PDHX: variants seen among roughly 807,000 people sequenced by gnomAD.
PDHX encodes the protein pyruvate dehydrogenase protein X component, mitochondrial.
Under a neutral mutation model 55.3 loss-of-function variants are expected in PDHX, and 33 were observed. The observed-to-expected ratio is 0.60, with a 90% CI of 0.45 to 0.80. The LOEUF (loss-of-function observed/expected upper bound fraction) is 0.80. Among genes scored for constraint, PDHX ranks in the 30% least tolerant of loss-of-function variants. The probability of loss-of-function intolerance (pLI) is 0.00; values close to 1 mark genes in which losing one functional copy is unlikely to be tolerated. For synonymous variants in PDHX, 226 were observed against 219.4 expected (o/e 1.03, Z -0.27); for missense variants, 622 against 619.9 (o/e 1.00, Z -0.04).
At chr11:34,929,134 C>T (rs867860758) in intron 1 of PDHX, among the ~76,000 whole-genome samples, 4 of 127,254 alleles carry the variant, frequency 3.1e-5, no homozygotes, top group Admixed American at 2.4e-4. Context: ...TTAGGAAACT[C>T]ATTGTGGCTA....
chr11:34,968,719 T>G (rs1293143727), intron 6 of PDHX, among the ~76,000 whole-genome samples: 2 of 152,250 alleles, frequency 1.3e-5, no homozygotes, highest in Non-Finnish European at 2.9e-5. Flanking sequence ...GTGATTTCTT[T>G]GATCCATGAG....
At chr11:34,960,679 A>G (rs550030148) in intron 5 of PDHX, among the ~76,000 whole-genome samples, 161 bp downstream of exon 5, 2 of 152,290 alleles carry the variant, frequency 1.3e-5, no homozygotes, top group South Asian at 4.1e-4. Context: ...ATTGTATTCT[A>G]TGCAAGAGTT....
chr11:34,916,701 T>G lies in PDHX; in HGVS notation c.46T>G (p.Tyr16Asp). ...GGGCTGTGATCCGCGGCTGCTGCGT[T>G]ATCTTGTGGGCTTCCCCGGCCGCCG... is the stretch of plus-strand genomic sequence containing the variant. ...RLGCDPRLLRYLVGFPGRRSV... is the reference protein window; with the variant it reads ...RLGCDPRLLRDLVGFPGRRSV... Residue 16 changes from tyrosine to aspartate, a missense_variant, in exon 1 of 11, where the codon TAT (tyrosine) becomes GAT (aspartate). Physicochemically the swap from Tyr to Asp is radical, Grantham distance 160 (BLOSUM62 -3). Transcript: ENST00000227868. 6.2e-7 allele frequency: 1 copy of G among 1,612,976 alleles called. No homozygotes were observed. The highest frequency in any genetic ancestry group is 8.5e-7 in the Non-Finnish European group (1 of 1,179,946).
chr11:34,925,250 C>T (rs894706146), intron 1 of PDHX, among the ~76,000 whole-genome samples: 1 of 151,980 alleles, frequency 6.6e-6, no homozygotes, highest in Non-Finnish European at 1.5e-5. Flanking sequence ...TTCTTTTTGC[C>T]CTCTGCAGAG....
chr11:34,917,328 G>A (rs1853752628), intron 1 of PDHX, among the ~76,000 whole-genome samples: 1 of 152,060 alleles, frequency 6.6e-6, no homozygotes, highest in Non-Finnish European at 1.5e-5. Context: ...AAATTCCTAC[G>A]GCATCACGAT....
intron 5 of PDHX, among the ~76,000 whole-genome samples, chr11:34,960,842 C>T (rs535955611): frequency 6.6e-6 from 1 of 152,158 alleles, no homozygotes; most frequent in African/African-American, 2.4e-5. Context: ...ATAACATTTA[C>T]ATTTCTAAAA....
At chr11:34,989,357 G>A (rs1855713563) in intron 9 of PDHX, among the ~76,000 whole-genome samples, 1 of 151,996 alleles carries the variant, frequency 6.6e-6, no homozygotes, top group South Asian at 2.1e-4. Context: ...AGATAAGGGG[G>A]GACTACTGTA....
chr11:34,957,717 C>G, intron 4 of PDHX, 134 bp downstream of exon 4: 1 of 662,998 alleles, frequency 1.5e-6, no homozygotes, highest in Non-Finnish European at 2.6e-6. Flanking sequence ...ACACTCAGAC[C>G]TTAGAGTGTG....
Position 34,952,013 on chromosome 11 carries a change from T to C in PDHX, c.342+4407T>C, listed in dbSNP as rs549713524. 1.2e-3 allele frequency among the ~76,000 whole-genome samples: 187 copies of C among 152,204 alleles called. No individual in the cohort carries two copies. In the Middle Eastern group the frequency reaches 0.014, roughly 11 times the overall value. On this transcript the variant is annotated intron_variant, in intron 3 of 10. Coordinates refer to ENST00000227868, the MANE Select transcript of PDHX (RefSeq NM_003477.3). ...GTCAAAGATCAAATAGTTGTAGATA[T>C]GCGGCGTTATTTCTGAGGGTCAAAC...
At chr11:34,992,169 A>G in intron 9 of PDHX, 146 bp from the exon 10 acceptor site, 2 of 589,800 alleles carry the variant, frequency 3.4e-6, no homozygotes, top group Non-Finnish European at 6.1e-6. Context: ...TGTTCTTATA[A>G]TTAGAGAAAA....
chr11:34,964,902 A>G (rs1263432137), intron 5 of PDHX, among the ~76,000 whole-genome samples: 1 of 143,600 alleles, frequency 7.0e-6, no homozygotes, highest in Non-Finnish European at 1.5e-5. Flanking sequence ...CTAATAAGTA[A>G]TAGTTATGCT....
chr11:34,970,372 TAC>T, intron 7 of PDHX, 86 bp downstream of exon 7: 1 of 1,095,336 alleles, frequency 9.1e-7, no homozygotes, highest in Non-Finnish European at 1.4e-6. Flanking sequence ...AATTAAAAGC[TAC>T]ATTGTGTAGC....
At chr11:34,955,762 G>A (rs953487606) in intron 3 of PDHX, among the ~76,000 whole-genome samples, 1 of 152,048 alleles carries the variant, frequency 6.6e-6, no homozygotes, top group Non-Finnish European at 1.5e-5. Context: ...ATGTAGTACA[G>A]TTGTCTGACT....
chr11:34,946,539 C>T (rs1005310719), intron 2 of PDHX, among the ~76,000 whole-genome samples: 1 of 152,150 alleles, frequency 6.6e-6, no homozygotes, highest in Admixed American at 6.5e-5. Context: ...CCTACGCAGT[C>T]CCCCCTCGAT....
chr11:34,938,541 A>C (rs1461411682), intron 2 of PDHX, among the ~76,000 whole-genome samples: 1 of 152,224 alleles, frequency 6.6e-6, no homozygotes, highest in African/African-American at 2.4e-5. Flanking sequence ...AGCTTTGGCT[A>C]TTTCCATATT....
chr11:34,981,184 G>A (rs1251817210), intron 8 of PDHX, among the ~76,000 whole-genome samples: 2 of 151,934 alleles, frequency 1.3e-5, no homozygotes, highest in Non-Finnish European at 2.9e-5. Context: ...GGTGTGTGAT[G>A]TTCCCTTTCC....
chr11:34,984,605 G>C lies in PDHX; in HGVS notation c.1059G>C (p.Glu353Asp), dbSNP rs755386042. 1.5e-5 allele frequency: 25 copies of C among 1,613,844 alleles called. No homozygotes were observed. The highest frequency in any genetic ancestry group is 2.0e-5 in the Non-Finnish European group (24 of 1,179,970). Residue 353 changes from glutamate to aspartate, a missense_variant, in exon 9 of 11, where the codon GAG (glutamate) becomes GAC (aspartate). Coordinates refer to ENST00000227868, the MANE Select transcript of PDHX (RefSeq NM_003477.3). The part of the protein sequence containing the change: ...MPDVNVSWDG[E>D]GPKQLPFIDI... Reference sequence around the variant, plus strand: ...ATGTTAATGTAAGCTGGGATGGAGAGGGCCCAAAGCAACTGCCATTTATTG... The same window carrying C: ...ATGTTAATGTAAGCTGGGATGGAGACGGCCCAAAGCAACTGCCATTTATTG...
rs191409428 is a variant in PDHX, at chr11:34,973,085, T to G, written c.964+2799T>G. Among the ~76,000 whole-genome samples, 4 of 152,328 alleles carry G rather than the reference T, an allele frequency of 2.6e-5. No individual in the cohort carries two copies. The East Asian group carries it at 7.7e-4, about 29-fold the overall frequency. On this transcript the variant is annotated intron_variant, in intron 7 of 10. Coordinates refer to ENST00000227868, the MANE Select transcript of PDHX (RefSeq NM_003477.3). ...TATTTGTGGTTTCTCCTTTCAGCTC[T>G]GTCGGTTTTTGCTTCATGTATCCTG...
At chr11:34,960,296 G>T in intron 4 of PDHX, 124 bp from the exon 5 acceptor site, 1 of 672,750 alleles carries the variant, frequency 1.5e-6, no homozygotes, top group Admixed American at 2.2e-5. Flanking sequence ...ACCATCTGTG[G>T]GAGTCATTTT....
Sources: allele counts gnomAD v4.1 joint callset (sites outside exome capture counted in the v4.1 genomes callset), GRCh38; gene constraint gnomAD v4.1.1; transcripts MANE v1.5; gene names NCBI Gene and HGNC (gene_info 2026-07-23, HGNC 2026-07-21).